DCT: variants seen among roughly 807,000 people sequenced by gnomAD.
The protein encoded by DCT is dopachrome tautomerase, also known as L-dopachrome tautomerase.
DCT carries 47 observed loss-of-function variants against 53.0 expected under a neutral mutation model. The observed-to-expected ratio is 0.89, with a 90% CI of 0.70 to 1.13. The LOEUF (loss-of-function observed/expected upper bound fraction) is 1.13. Ranked by LOEUF, DCT falls within the 50% of genes most tolerant of loss-of-function variation. DCT has a pLI of 0.00. For synonymous variants in DCT, 244 were observed against 237.0 expected, an observed-to-expected ratio of 1.03 and a Z score of -0.27; for missense variants, 669 against 637.4, an observed-to-expected ratio of 1.05 and a Z score of -0.53.
At chr13:94,543,979 G>C in the DCT span, among the ~76,000 whole-genome samples, 1 of 150,458 alleles carries the variant, frequency 6.6e-6, no homozygotes, top group Non-Finnish European at 1.5e-5. Context: ...AGGTTGCAGT[G>C]AGCCGAGATC....
At chr13:94,472,730 C>T (rs1297405147) in intron 1 of DCT, among the ~76,000 whole-genome samples, 2 of 150,738 alleles carry the variant, frequency 1.3e-5, no homozygotes, top group African/African-American at 4.9e-5. Context: ...TACAGGTGCA[C>T]ACCACCACAC....
At chr13:94,483,224 G>T (rs964183895), upstream of DCT, among the ~76,000 whole-genome samples, 2 of 151,518 alleles carry the variant, frequency 1.3e-5, no homozygotes, top group African/African-American at 4.9e-5. Context: ...CAAGTGAGCC[G>T]TGATTGCACC....
At chr13:94,533,163 T>C in the DCT span, among the ~76,000 whole-genome samples, 9 of 149,828 alleles carry the variant, frequency 6.0e-5, no homozygotes, top group East Asian at 1.2e-3. Context: ...TACTGGATCA[T>C]ACAGGGAGAA....
intron 4 of DCT, among the ~76,000 whole-genome samples, chr13:94,464,743 A>C (rs1884052777): frequency 6.6e-6 from 1 of 152,120 alleles, no homozygotes; most frequent in Admixed American, 6.5e-5. Flanking sequence ...TTTGGCTGAA[A>C]TGTGTTCCAG....
At chr13:94,538,633 C>T in the DCT span, among the ~76,000 whole-genome samples, 1 of 152,186 alleles carries the variant, frequency 6.6e-6, no homozygotes. Flanking sequence ...TTGTGTTGAG[C>T]CCTGAACTTG....
At chr13:94,498,454 G>A in the DCT span, among the ~76,000 whole-genome samples, 2 of 152,312 alleles carry the variant, frequency 1.3e-5, no homozygotes, top group Admixed American at 1.3e-4. Context: ...AAGGTCACAA[G>A]GGTGGAGCCC....
At chr13:94,504,888 C>G in the DCT span, among the ~76,000 whole-genome samples, 3 of 152,162 alleles carry the variant, frequency 2.0e-5, no homozygotes, top group African/African-American at 7.2e-5. Context: ...ATCCAAGGCA[C>G]CTTCTGCATA....
the DCT span, among the ~76,000 whole-genome samples, chr13:94,488,535 C>T: frequency 1.3e-5 from 2 of 151,810 alleles, no homozygotes; most frequent in East Asian, 1.9e-4. Context: ...GGCAACATGG[C>T]GTAACCTATT....
the DCT span, among the ~76,000 whole-genome samples, chr13:94,505,576 C>A: frequency 6.6e-6 from 1 of 152,130 alleles, no homozygotes; most frequent in African/African-American, 2.4e-5. Flanking sequence ...GCATATTTTC[C>A]TTTTCGGCCA....
intron 5 of DCT, among the ~76,000 whole-genome samples, chr13:94,460,628 A>G (rs894491558): frequency 3.3e-5 from 5 of 152,118 alleles, no homozygotes; most frequent in Non-Finnish European, 7.4e-5. Context: ...ATAGACCTTC[A>G]GCTTGACTGA....
At chr13:94,465,338 A>G in intron 4 of DCT, 1 of 202,876 alleles carries the variant, frequency 4.9e-6, no homozygotes, top group Non-Finnish European at 9.9e-6. Flanking sequence ...GGTTTTTGCT[A>G]TTACTTTTAA....
intron 6 of DCT, among the ~76,000 whole-genome samples, chr13:94,450,185 G>C (rs536184660): frequency 6.6e-6 from 1 of 152,252 alleles, no homozygotes; most frequent in East Asian, 1.9e-4. Flanking sequence ...ACCACACGCT[G>C]AATCTGCTAA....
At chr13:94,525,599 T>C in the DCT span, among the ~76,000 whole-genome samples, 1 of 152,182 alleles carries the variant, frequency 6.6e-6, no homozygotes, top group Non-Finnish European at 1.5e-5. Flanking sequence ...TCCCTTTGCT[T>C]TTGCAGGAGG....
intron 1 of DCT, among the ~76,000 whole-genome samples, chr13:94,477,878 C>T (rs1283584042): frequency 6.6e-6 from 1 of 152,150 alleles, no homozygotes; most frequent in African/African-American, 2.4e-5. Flanking sequence ...GAGGTTGCCA[C>T]TTGTGTTTTT....
the DCT span, among the ~76,000 whole-genome samples, chr13:94,494,453 G>A: frequency 1.3e-5 from 2 of 152,086 alleles, no homozygotes; most frequent in Non-Finnish European, 2.9e-5. Context: ...GGCAGGGAAC[G>A]CCTAATTGGT....
Position 94,479,025 on chromosome 13 carries a change from T to G in DCT, c.231A>C (p.Leu77=). 6.2e-7 allele frequency: 1 copy of G among 1,614,056 alleles called. No homozygotes were observed. The highest frequency in any genetic ancestry group is 2.2e-5 in the East Asian group (1 of 44,876). The change falls in exon 1 of 8, where the codon CTA becomes CTC. Residue 77 remains leucine, a synonymous_variant. Transcript: ENST00000377028. The stretch of plus-strand genomic sequence containing the variant: ...ACAGCTCACGGTCATCCTGGTTTCG[T>G]AGGATGTAGGGACCACTCCAGGGCC... The part of the protein sequence containing the change: ...DTRPWSGPYI[L]RNQDDRELWP...
At chr13:94,547,962 C>CAAAAAAAAAAAAAAA in the DCT span, among the ~76,000 whole-genome samples, 1 of 67,904 alleles carries the variant, frequency 1.5e-5, no homozygotes, top group African/African-American at 1.3e-4. Context: ...AACTCCGTCT[C>CAAAAAAAAAAAAAAA]AAAAAAAAAA....
At chr13:94,494,816 A>C in the DCT span, among the ~76,000 whole-genome samples, 1 of 152,200 alleles carries the variant, frequency 6.6e-6, no homozygotes, top group Admixed American at 6.5e-5. Context: ...AAACAAAATT[A>C]TGATATTACA....
At chr13:94,448,332 AC>A (rs1882862050) in intron 6 of DCT, among the ~76,000 whole-genome samples, 1 of 152,338 alleles carries the variant, frequency 6.6e-6, no homozygotes, top group African/African-American at 2.4e-5. Context: ...TTTTGAAAAG[AC>A]TGGTACATGC....
Sources: gnomAD v4.1 joint callset for allele counts (sites outside exome capture counted in the v4.1 genomes callset) on GRCh38, gnomAD v4.1.1 for gene constraint, MANE v1.5 for transcripts, NCBI Gene and HGNC (gene_info 2026-07-23, HGNC 2026-07-21) for gene names.